UBXN4: variants seen among roughly 807,000 people sequenced by gnomAD.
UBXN4 encodes UBX domain protein 4, also known as UBX domain-containing protein 4.
Under a neutral mutation model 66.2 loss-of-function variants are expected in UBXN4, and 35 were observed. That is an observed-to-expected ratio of 0.53 (90% CI 0.40 to 0.70). UBXN4 has a LOEUF of 0.70. UBXN4 is among the 30% of genes least tolerant of loss of function. The pLI is 0.00. For missense variants in UBXN4, 533 were observed against 599.8 expected (o/e 0.89, Z 1.16); for synonymous variants, 203 against 204.5 (o/e 0.99, Z 0.06).
chr2:135,754,282 G>A lies in UBXN4; in HGVS notation c.333+5G>A. ...AGAATTCACAAGGTCCGACAGGTAA[G>A]AAGGAACAGAACTGTTGTTTCCGTA... On this transcript the variant is annotated splice_donor_5th_base_variant and intron_variant, in intron 4 of 12. Transcript: ENST00000272638. 1.9e-6 allele frequency: 3 copies of A among 1,602,924 alleles called. No individual in the cohort carries two copies. Among genetic ancestry groups the A allele is most frequent in the Admixed American group, 1.7e-5 (1 of 59,654 alleles).
chr2:135,742,466 C>G (rs1184815273), intron 1 of UBXN4: 1 of 155,054 alleles, frequency 6.4e-6, no homozygotes, highest in Non-Finnish European at 1.4e-5. Flanking sequence ...CCCAGCCCCG[C>G]TCGTCGCCCC....
chr2:135,751,373 A>G (rs529241032), intron 2 of UBXN4, among the ~76,000 whole-genome samples: 3 of 146,718 alleles, frequency 2.0e-5, no homozygotes, highest in Admixed American at 6.9e-5. Flanking sequence ...TAGTTTTAGT[A>G]GAGATGGGGT....
intron 7 of UBXN4, 134 bp downstream of exon 7, chr2:135,769,957 C>A: frequency 3.3e-6 from 2 of 605,688 alleles, no homozygotes; most frequent in East Asian, 6.3e-5. Context: ...AAGATAATTC[C>A]TGTTTTCTCT....
At chr2:135,779,559 C>A (rs2077437136) in intron 11 of UBXN4, among the ~76,000 whole-genome samples, 1 of 152,106 alleles carries the variant, frequency 6.6e-6, no homozygotes, top group African/African-American at 2.4e-5. Context: ...TCTTCTGTGT[C>A]CTGGTTAACA....
At chr2:135,746,402 A>G (rs1239568028) in intron 1 of UBXN4, among the ~76,000 whole-genome samples, 1 of 152,182 alleles carries the variant, frequency 6.6e-6, no homozygotes, top group African/African-American at 2.4e-5. Context: ...TGGAACCTTC[A>G]TTCTAGTTAG....
intron 9 of UBXN4, 68 bp downstream of exon 9, chr2:135,772,615 T>A (rs2077390456): frequency 1.3e-6 from 2 of 1,591,868 alleles, no homozygotes; most frequent in African/African-American, 2.7e-5. Flanking sequence ...TAAGCTGGTT[T>A]TTAACACTGA....
intron 4 of UBXN4, among the ~76,000 whole-genome samples, chr2:135,755,206 ATAAT>A (rs1041985094): frequency 2.6e-5 from 4 of 151,852 alleles, no homozygotes; most frequent in East Asian, 1.9e-4. Context: ...GTTATACTCA[ATAAT>A]TAATCATTTC....
intron 6 of UBXN4, among the ~76,000 whole-genome samples, chr2:135,766,704 A>G (rs1409830154): frequency 6.6e-6 from 1 of 152,176 alleles, no homozygotes. Flanking sequence ...GTAATATGAG[A>G]TGTATGCATT....
chr2:135,743,442 T>C (rs1463888970), intron 1 of UBXN4, among the ~76,000 whole-genome samples: 2 of 152,242 alleles, frequency 1.3e-5, no homozygotes, highest in African/African-American at 2.4e-5. Flanking sequence ...TTTCTCCTAA[T>C]ATCTCAGTTG....
At chr2:135,764,884 G>A (rs895700491) in intron 6 of UBXN4, among the ~76,000 whole-genome samples, 3 of 152,134 alleles carry the variant, frequency 2.0e-5, no homozygotes, top group Admixed American at 6.5e-5. Flanking sequence ...ACATGATCTC[G>A]GCTCACTGCA....
At chr2:135,743,731 CTT>C (rs2077191451) in intron 1 of UBXN4, among the ~76,000 whole-genome samples, 2 of 152,110 alleles carry the variant, frequency 1.3e-5, no homozygotes, top group Admixed American at 1.3e-4. Flanking sequence ...AGAAGGCACT[CTT>C]GAGGTAAATC....
intron 2 of UBXN4, among the ~76,000 whole-genome samples, chr2:135,752,974 T>G (rs2077254150): frequency 6.8e-6 from 1 of 147,518 alleles, no homozygotes; most frequent in Non-Finnish European, 1.5e-5. Context: ...CGCCTTGGCC[T>G]CCCAAAGTGC....
intron 8 of UBXN4, 150 bp downstream of exon 8, chr2:135,770,885 TA>T (rs924052757): frequency 1.3e-6 from 1 of 775,674 alleles, no homozygotes; most frequent in Non-Finnish European, 1.8e-6. Flanking sequence ...GTAAATGAAT[TA>T]AAATAGTTAA....
chr2:135,748,369 G>T lies in UBXN4; in HGVS notation c.185G>T (p.Ser62Ile). 6.3e-7 allele frequency: 1 copy of T among 1,576,502 alleles called. No individual in the cohort carries two copies. The highest frequency in any genetic ancestry group is 8.6e-7 in the Non-Finnish European group (1 of 1,164,588). Residue 62 changes from serine to isoleucine, a missense_variant and splice_region_variant, in exon 2 of 13, where the codon AGT (serine) becomes ATT (isoleucine). Physicochemically the swap from Ser to Ile is moderately radical, Grantham distance 142. Around this residue, in one of 2 missense-constraint regions of UBXN4, gnomAD observed 529 missense variants for 580.1 expected, o/e 0.91. Coordinates refer to ENST00000272638, the MANE Select transcript of UBXN4 (RefSeq NM_014607.4). Reference sequence around the variant, plus strand: ...GTTGCTATTAAAATCGATACCAAAAGGTTTGTTTATGTTTTAATATTTTAT... The same window carrying T: ...GTTGCTATTAAAATCGATACCAAAATGTTTGTTTATGTTTTAATATTTTAT... The part of the protein sequence containing the change: ...SFVAIKIDTK[S>I]EACLQFSQIY...
intron 1 of UBXN4, among the ~76,000 whole-genome samples, chr2:135,743,391 T>A (rs1434187870): frequency 6.6e-6 from 1 of 152,244 alleles, no homozygotes; most frequent in East Asian, 1.9e-4. Context: ...GACACTATGC[T>A]TATTGTGTAC....
At position 135,782,725 on chromosome 2, in the gene UBXN4, C is replaced by G. The variant is rs1319888301; in HGVS notation, c.1389-24C>G. 3.1e-6 allele frequency: 5 copies of G among 1,608,420 alleles called. No individual in the cohort carries two copies. In the East Asian group the frequency reaches 1.1e-4, roughly 36 times the overall value. ...TGTTTTTATTTTATGACATCTTCCC[C>G]TTGCTCCCTCTTTTTCGTATCAGGG... is the stretch of plus-strand genomic sequence containing the variant. On this transcript the variant is annotated intron_variant, in intron 12 of 12. Coordinates refer to ENST00000272638, the MANE Select transcript of UBXN4 (RefSeq NM_014607.4).
chr2:135,778,881 T>G, intron 10 of UBXN4, 67 bp from the exon 11 acceptor site: 1 of 1,426,568 alleles, frequency 7.0e-7, no homozygotes, highest in South Asian at 1.6e-5. Flanking sequence ...AAGCATCATT[T>G]TGGATTCATC....
chr2:135,751,684 C>T (rs1266686362), intron 2 of UBXN4, among the ~76,000 whole-genome samples: 3 of 150,956 alleles, frequency 2.0e-5, no homozygotes, highest in South Asian at 2.1e-4. Context: ...TTGGAGATAG[C>T]GTGCATTGAA....
intron 8 of UBXN4, 148 bp from the exon 9 acceptor site, chr2:135,772,270 CTA>C (rs1405802067): frequency 2.4e-6 from 2 of 830,568 alleles, no homozygotes; most frequent in Non-Finnish European, 3.6e-6. Context: ...CTGCAGTGAG[CTA>C]TGATTGTGCC....
Sources: allele counts gnomAD v4.1 joint callset (sites outside exome capture counted in the v4.1 genomes callset), GRCh38; gene constraint gnomAD v4.1.1; regional missense constraint gnomAD v4.1.1; transcripts MANE v1.5; gene names NCBI Gene and HGNC (gene_info 2026-07-23, HGNC 2026-07-21).